The following FAM78B variants were observed in gnomAD, a reference collection of about 807,000 sequenced individuals.
The protein encoded by FAM78B is family with sequence similarity 78 member B, also known as protein FAM78B.
A neutral mutation model predicts 20.0 loss-of-function variants in FAM78B; 10 were observed. The observed-to-expected ratio is 0.50, with a 90% CI of 0.31 to 0.85. The LOEUF is 0.85. Among genes scored for constraint, FAM78B ranks in the 40% least tolerant of loss-of-function variants. The pLI is 0.05. For synonymous variants in FAM78B, 135 were observed against 132.8 expected (o/e 1.02, Z -0.12); for missense variants, 283 against 345.0 (o/e 0.82, Z 1.42).
At chr1:166,165,947 C>G in intron 1 of FAM78B, 39 bp downstream of exon 1, 1 of 1,612,006 alleles carries the variant, frequency 6.2e-7, no homozygotes, top group Non-Finnish European at 8.5e-7. Flanking sequence ...GAGCTGGGGG[C>G]CCAGAGTCCG....
intron 1 of FAM78B, among the ~76,000 whole-genome samples, chr1:166,148,475 CAT>C (rs1214672083): frequency 1.3e-5 from 2 of 152,162 alleles, no homozygotes; most frequent in African/African-American, 4.8e-5. Context: ...TTTCATGAGC[CAT>C]AGTTTCATTA....
intron 1 of FAM78B, among the ~76,000 whole-genome samples, chr1:166,133,821 G>A (rs990015911): frequency 7.9e-5 from 12 of 152,106 alleles, no homozygotes; most frequent in African/African-American, 1.9e-4. Context: ...TATAATTGCC[G>A]TGTTTTGGAA....
intron 1 of FAM78B, among the ~76,000 whole-genome samples, chr1:166,092,459 C>A (rs573624901): frequency 1.3e-5 from 2 of 152,340 alleles, no homozygotes; most frequent in South Asian, 4.1e-4. Flanking sequence ...CCTAGTTAGT[C>A]CTACCCTGCC....
chr1:166,112,515 G>T (rs1486844738), intron 1 of FAM78B, among the ~76,000 whole-genome samples: 2 of 152,122 alleles, frequency 1.3e-5, no homozygotes, highest in Admixed American at 6.5e-5. Flanking sequence ...CGGCCTCAGG[G>T]AAGGCCTTGA....
intron 1 of FAM78B, among the ~76,000 whole-genome samples, chr1:166,131,759 T>A (rs545625415): frequency 6.6e-6 from 1 of 152,156 alleles, no homozygotes; most frequent in Non-Finnish European, 1.5e-5. Context: ...TACTATGTTT[T>A]ATGAAAAAAA....
At chr1:166,072,350 T>C (rs1461753470) in intron 1 of FAM78B, among the ~76,000 whole-genome samples, 1 of 152,222 alleles carries the variant, frequency 6.6e-6, no homozygotes, top group Non-Finnish European at 1.5e-5. Flanking sequence ...CCTTTTTTCT[T>C]GTCATGCCCT....
At chr1:166,109,231 A>C (rs1165046880) in intron 1 of FAM78B, among the ~76,000 whole-genome samples, 2 of 152,220 alleles carry the variant, frequency 1.3e-5, no homozygotes, top group East Asian at 1.9e-4. Context: ...CAACCCACAG[A>C]GTGGAGAAAA....
chr1:166,094,700 C>T (rs1653209235), intron 1 of FAM78B, among the ~76,000 whole-genome samples: 1 of 152,176 alleles, frequency 6.6e-6, no homozygotes. Context: ...TCCCATGAAT[C>T]AAAATGGTCA....
At chr1:166,108,876 T>C (rs1653890850) in intron 1 of FAM78B, among the ~76,000 whole-genome samples, 1 of 152,198 alleles carries the variant, frequency 6.6e-6, no homozygotes, top group South Asian at 2.1e-4. Flanking sequence ...AGCCAACTGA[T>C]CTTTGACAAA....
chr1:166,106,890 T>C (rs1355278263), intron 1 of FAM78B, among the ~76,000 whole-genome samples: 1 of 151,930 alleles, frequency 6.6e-6, no homozygotes, highest in Non-Finnish European at 1.5e-5. Context: ...GTTGAAGTTA[T>C]ATCAAAAAAC....
intron 1 of FAM78B, among the ~76,000 whole-genome samples, chr1:166,140,391 T>C (rs903142693): frequency 1.3e-5 from 2 of 152,150 alleles, no homozygotes; most frequent in African/African-American, 4.8e-5. Flanking sequence ...GAACTCCAGA[T>C]ATTGTTGGGG....
At chr1:166,111,225 C>T (rs4542195) in intron 1 of FAM78B, among the ~76,000 whole-genome samples, 29,712 of 152,154 alleles carry the variant, frequency 0.2, 3,307 homozygotes, top group East Asian at 0.37. Flanking sequence ...TTAGTGCTGC[C>T]TTCTGCATCA....
chr1:166,109,868 GTA>G (rs1167115543), intron 1 of FAM78B, among the ~76,000 whole-genome samples: 136 of 8,514 alleles, frequency 0.016, 14 homozygotes, highest in African/African-American at 0.023. Context: ...ATATGTATGT[GTA>G]TATATATATA....
At chr1:166,112,790 A>G (rs1444319713) in intron 1 of FAM78B, among the ~76,000 whole-genome samples, 2 of 152,168 alleles carry the variant, frequency 1.3e-5, no homozygotes, top group Non-Finnish European at 2.9e-5. Context: ...CTACACAGTC[A>G]ACTTGTCTTC....
chr1:166,123,923 G>C (rs1408047577), intron 1 of FAM78B, among the ~76,000 whole-genome samples: 1 of 152,174 alleles, frequency 6.6e-6, no homozygotes, highest in African/African-American at 2.4e-5. Flanking sequence ...CAGTAGAATG[G>C]GGAATGTGAT....
Position 166,166,870 on chromosome 1 carries a change from G to A in FAM78B, c.-622C>T, listed in dbSNP as rs1210998707. The stretch of plus-strand genomic sequence containing the variant: ...TCCCGCCGGCCCCGCCCCGTAGCCG[G>A]ACCACACCGACACTCCTCGGCCCGG... On this transcript the variant is annotated 5_prime_UTR_variant, in exon 1 of 2. Coordinates refer to ENST00000354422, the MANE Select transcript of FAM78B (RefSeq NM_001017961.5). The A allele has an allele frequency of 6.6e-6, 1 of 151,818 alleles. No individual in the cohort carries two copies. The highest frequency in any genetic ancestry group is 1.5e-5 in the Non-Finnish European group (1 of 67,926). 9.4% of individuals were successfully genotyped at this position (151,818 alleles called of 1,614,324 possible).
intron 1 of FAM78B, among the ~76,000 whole-genome samples, chr1:166,088,195 T>C (rs914370107): frequency 3.9e-5 from 6 of 152,192 alleles, no homozygotes; most frequent in Non-Finnish European, 7.4e-5. Flanking sequence ...GGAACAGCTA[T>C]GCAACAGAGG....
chr1:166,155,102 C>A (rs530144399), intron 1 of FAM78B, among the ~76,000 whole-genome samples: 1 of 152,292 alleles, frequency 6.6e-6, no homozygotes, highest in African/African-American at 2.4e-5. Context: ...GCTGAGTGAA[C>A]CAGGCAGCTG....
intron 1 of FAM78B, among the ~76,000 whole-genome samples, chr1:166,150,105 A>AG (rs1258765629): frequency 6.6e-6 from 1 of 152,148 alleles, no homozygotes; most frequent in East Asian, 1.9e-4. Context: ...GCTGTGCCTC[A>AG]GGGGGGGTTT....
Sources: allele counts gnomAD v4.1 joint callset (sites outside exome capture counted in the v4.1 genomes callset), GRCh38; gene constraint gnomAD v4.1.1; transcripts MANE v1.5; gene names NCBI Gene and HGNC (gene_info 2026-07-23, HGNC 2026-07-21).